Variants in NTM observed in about 807,000 individuals in gnomAD.
NTM encodes the protein neurotrimin.
A neutral mutation model predicts 42.1 loss-of-function variants in NTM; 13 were observed. That is an observed-to-expected ratio of 0.31 (90% confidence interval 0.20 to 0.49). The LOEUF (loss-of-function observed/expected upper bound fraction) is 0.49. Among genes scored for constraint, NTM ranks in the 20% least tolerant of loss-of-function variants. NTM has a pLI of 0.99. For synonymous variants in NTM, 187 were observed against 179.2 expected (o/e 1.04, Z -0.35); for missense variants, 373 against 452.8 (o/e 0.82, Z 1.60).
intron 1 of NTM, chr11:131,605,925 T>C (rs1414155028): frequency 1.0e-6 from 1 of 964,400 alleles, no homozygotes; most frequent in Non-Finnish European, 1.2e-6. Context: ...TTCTCTTTTA[T>C]GTTACTTATT....
chr11:131,626,879 G>A (rs1459387600), intron 1 of NTM, among the ~76,000 whole-genome samples: 4 of 152,122 alleles, frequency 2.6e-5, no homozygotes, highest in Non-Finnish European at 2.9e-5. Context: ...CTTGTTCCCC[G>A]AATTGCTTCC....
At chr11:132,175,736 C>T (rs749662346) in intron 3 of NTM, among the ~76,000 whole-genome samples, 6 of 152,106 alleles carry the variant, frequency 3.9e-5, no homozygotes, top group South Asian at 2.1e-4. Flanking sequence ...TACAGGTGCC[C>T]GCCACCATGC....
intron 1 of NTM, chr11:131,537,263 T>G (rs144409029): frequency 6.6e-6 from 1 of 151,494 alleles, no homozygotes; most frequent in African/African-American, 2.4e-5. Context: ...ATGAGTGAAT[T>G]TGAGGCCCCA....
intron 2 of NTM, among the ~76,000 whole-genome samples, chr11:132,097,242 C>T (rs117076868): frequency 0.013 from 1,930 of 152,240 alleles, 19 homozygotes; most frequent in Non-Finnish European, 0.02. Context: ...GTGTGGTGGT[C>T]GTGTCATTGC....
At chr11:132,086,861 AT>A (rs1201802296) in intron 2 of NTM, among the ~76,000 whole-genome samples, 1 of 152,172 alleles carries the variant, frequency 6.6e-6, no homozygotes, top group Non-Finnish European at 1.5e-5. Flanking sequence ...GGTTTTGGAA[AT>A]TAACTTTTCT....
chr11:132,034,422 T>G (rs1052935643), intron 2 of NTM, among the ~76,000 whole-genome samples: 2 of 152,206 alleles, frequency 1.3e-5, no homozygotes, highest in African/African-American at 4.8e-5. Flanking sequence ...GTTAAGTGCA[T>G]CTGTGCACCT....
At chr11:131,653,662 G>A (rs2658805) in intron 1 of NTM, among the ~76,000 whole-genome samples, 110,624 of 152,170 alleles carry the variant, frequency 0.73, 42,437 homozygotes, top group East Asian at 0.91. Context: ...AGTGCCTGGA[G>A]CTGAGAGTGT....
intron 2 of NTM, among the ~76,000 whole-genome samples, chr11:131,968,865 A>G (rs1474124436): frequency 1.3e-5 from 2 of 152,158 alleles, no homozygotes; most frequent in East Asian, 1.9e-4. Context: ...CTATTTTCCC[A>G]CTGGCTTTTT....
At chr11:131,493,463 C>A (rs2136309261) in intron 1 of NTM, among the ~76,000 whole-genome samples, 1 of 152,258 alleles carries the variant, frequency 6.6e-6, no homozygotes, top group Non-Finnish European at 1.5e-5. Flanking sequence ...TGCAGCTTCT[C>A]TGGTGGCCAT....
At chr11:131,387,869 GC>G (rs1252717405) in intron 1 of NTM, among the ~76,000 whole-genome samples, 1 of 55,504 alleles carries the variant, frequency 1.8e-5, no homozygotes, top group Non-Finnish European at 5.6e-5. Flanking sequence ...TTTATAATTA[GC>G]CTTCCTGGGG....
intron 1 of NTM, among the ~76,000 whole-genome samples, chr11:131,667,005 C>G (rs993639558): frequency 1.3e-5 from 2 of 152,178 alleles, no homozygotes; most frequent in African/African-American, 4.8e-5. Flanking sequence ...CTAGGGGACC[C>G]TAGCAGAAGG....
chr11:131,556,287 A>G (rs1327873609), intron 1 of NTM, among the ~76,000 whole-genome samples: 1 of 152,204 alleles, frequency 6.6e-6, no homozygotes, highest in Non-Finnish European at 1.5e-5. Flanking sequence ...CCCCAAACAG[A>G]GGGAAGCAGG....
rs181108308 is a variant in NTM at position 131,962,715 on chromosome 11, T to G, written c.167+51067T>G. Among the ~76,000 whole-genome samples the G allele has an allele frequency of 1.1e-4, 16 of 152,334 alleles. 1 individual carries two copies. The highest frequency in any genetic ancestry group is 3.8e-4 in the African/African-American group (16 of 41,580). ...CACAAAGTTCCGTGTCCTCATTGCTTATGCCATTTACCCTGACTGTGGACC... is the reference window on the plus strand; with the variant it reads ...CACAAAGTTCCGTGTCCTCATTGCTGATGCCATTTACCCTGACTGTGGACC... On this transcript the variant is annotated intron_variant, in intron 2 of 8. Coordinates refer to ENST00000683400, the MANE Select transcript of NTM (RefSeq NM_001352005.2).
intron 1 of NTM, among the ~76,000 whole-genome samples, chr11:131,519,769 C>T (rs891643091): frequency 3.6e-5 from 5 of 140,712 alleles, no homozygotes; most frequent in Non-Finnish European, 6.1e-5. Flanking sequence ...ACCAGCCCAA[C>T]TCTTCTTTAC....
chr11:132,120,515 G>C (rs1218507773), intron 2 of NTM, among the ~76,000 whole-genome samples: 2 of 152,084 alleles, frequency 1.3e-5, no homozygotes, highest in African/African-American at 4.8e-5. Flanking sequence ...GGCAAAAGAG[G>C]GACCAGACTA....
intron 1 of NTM, among the ~76,000 whole-genome samples, chr11:131,723,026 C>T (rs757050569): frequency 5.6e-4 from 85 of 152,326 alleles, no homozygotes; most frequent in Admixed American, 9.2e-4. Context: ...TCTGCACAGA[C>T]GGGTTAAATG....
intron 1 of NTM, among the ~76,000 whole-genome samples, chr11:131,739,518 T>TCTC (rs1300145694): frequency 6.6e-6 from 1 of 152,130 alleles, no homozygotes. Flanking sequence ...ATGGCAAGCC[T>TCTC]CTCCTCACCC....
intron 3 of NTM, among the ~76,000 whole-genome samples, chr11:132,184,653 G>A (rs2078115736): frequency 2.0e-5 from 3 of 152,170 alleles, no homozygotes; most frequent in Admixed American, 2.0e-4. Context: ...AAAGACCAGA[G>A]AAAGACTAGG....
chr11:131,435,357 T>C (rs529404299), intron 1 of NTM, among the ~76,000 whole-genome samples: 45 of 152,362 alleles, frequency 3.0e-4, no homozygotes, highest in African/African-American at 1.0e-3. Context: ...GGGGATGGAA[T>C]TGAATCTATA....
Sources: allele counts gnomAD v4.1 joint callset (sites outside exome capture counted in the v4.1 genomes callset), GRCh38; gene constraint gnomAD v4.1.1; transcripts MANE v1.5; gene names NCBI Gene and HGNC (gene_info 2026-07-23, HGNC 2026-07-21).